The following TRPM6 variants were observed in gnomAD, a reference collection of about 807,000 sequenced individuals.
The protein encoded by TRPM6 is transient receptor potential cation channel subfamily M member 6, also known as channel kinase 2.
Under a neutral mutation model 247.6 loss-of-function variants are expected in TRPM6, and 111 were observed. The ratio of observed to expected loss-of-function variants is 0.45; its 90% confidence interval spans 0.38 to 0.52. The LOEUF (loss-of-function observed/expected upper bound fraction) is 0.52. TRPM6 is among the 20% of genes least tolerant of loss of function. The pLI, the probability that TRPM6 is intolerant of heterozygous loss-of-function variation, is 0.00. For missense variants in TRPM6, 2,126 were observed against 2,421.5 expected (o/e 0.88, Z 2.56); for synonymous variants, 892 against 853.8 (o/e 1.04, Z -0.78).
At chr9:74,767,932 T>C (rs1458746593) in intron 25 of TRPM6, among the ~76,000 whole-genome samples, 1 of 152,126 alleles carries the variant, frequency 6.6e-6, no homozygotes. Context: ...CTCTGATCAC[T>C]CTATCTAAAT....
intron 15 of TRPM6, 102 bp from the exon 16 acceptor site, chr9:74,802,277 A>G: frequency 7.8e-6 from 8 of 1,027,220 alleles, no homozygotes; most frequent in Non-Finnish European, 8.7e-6. Context: ...TTTAATCACT[A>G]CTAAAAAAGA....
At chr9:74,746,501 C>T (rs1425044526) in intron 31 of TRPM6, among the ~76,000 whole-genome samples, 1 of 152,056 alleles carries the variant, frequency 6.6e-6, no homozygotes, top group Admixed American at 6.5e-5. Context: ...TTCTGCAAGG[C>T]AGAAATAATG....
intron 1 of TRPM6, among the ~76,000 whole-genome samples, chr9:74,873,226 C>A (rs1317752840): frequency 1.3e-5 from 2 of 152,164 alleles, no homozygotes; most frequent in Non-Finnish European, 1.5e-5. Flanking sequence ...ACTTAGACAT[C>A]ATGCCTCCTA....
Position 74,842,290 on chromosome 9 carries a change from G to A in TRPM6, c.206C>T (p.Thr69Ile). 2 of 1,613,984 alleles carry A rather than the reference G, an allele frequency of 1.2e-6. No individual in the cohort carries two copies. The highest frequency in any genetic ancestry group is 1.7e-6 in the Non-Finnish European group (2 of 1,180,012). Residue 69 changes from threonine (T) to isoleucine (I), a missense_variant, in exon 4 of 39, where the codon ACC (threonine) becomes ATC (isoleucine). Thr to Ile is a moderately conservative substitution (Grantham distance 89). Coordinates refer to ENST00000360774, the MANE Select transcript of TRPM6 (RefSeq NM_017662.5). ...GDHAGIDYSW[T>I]ISAAKGKESE... ...TTCTTTACCCTTGGCAGCTGAGATG[G>A]TCCAGGAATAATCTATCCCAGCATG... is the stretch of plus-strand genomic sequence containing the variant.
At chr9:74,853,441 A>G (rs1340146968) in intron 3 of TRPM6, among the ~76,000 whole-genome samples, 4 of 152,244 alleles carry the variant, frequency 2.6e-5, no homozygotes, top group South Asian at 4.1e-4. Flanking sequence ...GGGAAAAGGA[A>G]GAGAAATCAG....
intron 9 of TRPM6, among the ~76,000 whole-genome samples, chr9:74,817,682 C>T (rs558961528): frequency 5.3e-5 from 8 of 152,170 alleles, no homozygotes; most frequent in Non-Finnish European, 1.2e-4. Flanking sequence ...CACCCGTTCC[C>T]ACCCTGTGGG....
At position 74,762,116 on chromosome 9, in the gene TRPM6, G is replaced by T; in HGVS notation, c.4555C>A (p.Leu1519Ile). The change falls in exon 26 of 39, where the codon CTT becomes ATT. Residue 1519 changes from leucine (L) to isoleucine (I), a missense_variant. Physicochemically the swap from Leu to Ile is conservative, Grantham distance 5. Around this residue, in one of 3 missense-constraint regions of TRPM6, gnomAD observed 717 missense variants for 715.9 expected, o/e 1.00. Transcript: ENST00000360774. ...ATCCAAAAGGATGTGTTTGGCTGAA[G>T]CCATGGTCCCACCTCTGAGCATTCA... ...SSECSEVGPW[L>I]QPNTSFWINP... is the part of the protein sequence containing the mutation. 2 of 1,614,212 alleles carry T rather than the reference G, an allele frequency of 1.2e-6. No individual in the cohort carries two copies. The highest frequency in any genetic ancestry group is 1.7e-6 in the Non-Finnish European group (2 of 1,180,036).
chr9:74,769,612 G>A (rs1342203752), intron 25 of TRPM6, among the ~76,000 whole-genome samples: 9 of 152,082 alleles, frequency 5.9e-5, no homozygotes, highest in Admixed American at 5.9e-4. Context: ...CAAAAAATTA[G>A]CCGGGTGTGG....
intron 16 of TRPM6, among the ~76,000 whole-genome samples, chr9:74,801,149 G>T (rs546755466): frequency 3.0e-4 from 45 of 151,496 alleles, no homozygotes; most frequent in African/African-American, 1.1e-3. Flanking sequence ...TGTTGCCCAG[G>T]CTGGTCTTGA....
At chr9:74,816,607 GC>G in intron 11 of TRPM6, 61 bp downstream of exon 11, 1 of 1,342,828 alleles carries the variant, frequency 7.4e-7, no homozygotes. Context: ...TTTCTCTTTT[GC>G]CCCTTCCTAA....
At position 74,842,146 on chromosome 9, in the gene TRPM6, A is replaced by G. The variant is rs1327695851; in HGVS notation, c.330+20T>C. The G allele has an allele frequency of 4.3e-6, 7 of 1,613,578 alleles. No homozygotes were observed. Among genetic ancestry groups the G allele is most frequent in the Non-Finnish European group, 5.9e-6 (7 of 1,179,842 alleles). On this transcript the variant is annotated intron_variant, in intron 4 of 38. Coordinates refer to ENST00000360774, the MANE Select transcript of TRPM6 (RefSeq NM_017662.5). ...AAAAAAAGAAAGAAACCAGCAAAAC[A>G]ATTTGGGTTATTAGCAAACCTTGGC...
chr9:74,864,405 G>A (rs1230874879), intron 1 of TRPM6, among the ~76,000 whole-genome samples: 2 of 152,152 alleles, frequency 1.3e-5, no homozygotes, highest in African/African-American at 4.8e-5. Flanking sequence ...CCTTCTATCT[G>A]TCCAAATTCT....
chr9:74,781,978 C>T (rs1827476878), intron 23 of TRPM6, among the ~76,000 whole-genome samples: 1 of 152,120 alleles, frequency 6.6e-6, no homozygotes, highest in Admixed American at 6.5e-5. Flanking sequence ...AGTATAGCAA[C>T]CATTTACATC....
chr9:74,732,739 C>A lies in TRPM6; in HGVS notation c.5777-3G>T. 3.7e-6 allele frequency: 6 copies of A among 1,607,242 alleles called. No homozygotes were observed. The highest frequency in any genetic ancestry group is 5.1e-6 in the Non-Finnish European group (6 of 1,176,564). On this transcript the variant is annotated splice_polypyrimidine_tract_variant and splice_region_variant and intron_variant, in intron 36 of 38. Transcript: ENST00000360774. ...ATCTGTCAAATTTTCTCCAACACCTCAAAAGAAGAAACAAAATTCGTTTAG... is the reference window on the plus strand; with the variant it reads ...ATCTGTCAAATTTTCTCCAACACCTAAAAAGAAGAAACAAAATTCGTTTAG...
intron 27 of TRPM6, among the ~76,000 whole-genome samples, chr9:74,759,359 A>G (rs1263767238): frequency 6.6e-6 from 1 of 152,146 alleles, no homozygotes; most frequent in East Asian, 1.9e-4. Flanking sequence ...TTTATTATAA[A>G]GTTGTATTCA....
intron 1 of TRPM6, among the ~76,000 whole-genome samples, chr9:74,872,307 T>A (rs2118466904): frequency 6.6e-6 from 1 of 151,750 alleles, no homozygotes; most frequent in East Asian, 2.0e-4. Flanking sequence ...TTTTTAAGCA[T>A]TAAGGAATAC....
intron 1 of TRPM6, among the ~76,000 whole-genome samples, chr9:74,870,590 A>T (rs1281908064): frequency 6.6e-6 from 1 of 152,212 alleles, no homozygotes; most frequent in Non-Finnish European, 1.5e-5. Context: ...CTGTCCAGCT[A>T]TAAAGTTTCA....
intron 11 of TRPM6, among the ~76,000 whole-genome samples, chr9:74,815,063 G>T (rs555360544): frequency 6.6e-6 from 1 of 152,218 alleles, no homozygotes; most frequent in South Asian, 2.1e-4. Context: ...AATATTAGAG[G>T]AGCAGTCCAT....
Position 74,855,636 on chromosome 9 carries a change from A to T in TRPM6, c.114-71T>A. ...AAAATACATTTAATGCTTGTACAGT[A>T]AATATCTATTATTTTCCATGATCTA... On this transcript the variant is annotated intron_variant, in intron 2 of 38. Transcript: ENST00000360774. The T allele has an allele frequency of 4.2e-6, 4 of 963,040 alleles. No individual in the cohort carries two copies. The South Asian group carries it at 5.2e-5, about 12-fold the overall frequency. The allele number at this position is 963,040 out of a possible 1,614,324, so 59.7% of individuals were successfully genotyped here. A position where few individuals can be genotyped will look rare whatever the true frequency, so the allele number is the denominator to read the frequency against.
Sources: allele counts gnomAD v4.1 joint callset (sites outside exome capture counted in the v4.1 genomes callset), GRCh38; gene constraint gnomAD v4.1.1; regional missense constraint gnomAD v4.1.1; transcripts MANE v1.5; gene names NCBI Gene and HGNC (gene_info 2026-07-23, HGNC 2026-07-21).